Variants in LRPPRC observed in about 807,000 individuals in gnomAD.
LRPPRC encodes the protein leucine rich pentatricopeptide repeat containing.
A neutral mutation model predicts 180.3 loss-of-function variants in LRPPRC; 120 were observed. The observed-to-expected ratio is 0.67, with a 90% CI of 0.57 to 0.77. The LOEUF is 0.77. LRPPRC is among the 30% of genes least tolerant of loss of function. The pLI, the probability that LRPPRC is intolerant of heterozygous loss-of-function variation, is 0.00. For synonymous variants in LRPPRC, 723 were observed against 600.0 expected (o/e 1.21, Z -3.00); for missense variants, 2,012 against 1,657.2 (o/e 1.21, Z -3.72).
At chr2:43,943,423 T>C (rs1283839232) in intron 23 of LRPPRC, among the ~76,000 whole-genome samples, 3 of 151,882 alleles carry the variant, frequency 2.0e-5, no homozygotes, top group African/African-American at 7.3e-5. Context: ...GGCTCAAAAC[T>C]AGGAAAAACT....
intron 2 of LRPPRC, among the ~76,000 whole-genome samples, chr2:43,981,969 G>A (rs1009119657): frequency 6.6e-6 from 1 of 151,666 alleles, no homozygotes; most frequent in African/African-American, 2.4e-5. Flanking sequence ...GTGCAGTTGT[G>A]CGATCTTAGC....
At chr2:43,946,697 GA>G (rs1305117516) in intron 20 of LRPPRC, among the ~76,000 whole-genome samples, 16 of 151,980 alleles carry the variant, frequency 1.1e-4, no homozygotes. Context: ...AGTTAGTCAT[GA>G]TATTTTTTCC....
At position 43,946,182 on chromosome 2, in the gene LRPPRC, T is replaced by C. The variant is rs375559765; in HGVS notation, c.2141A>G (p.Tyr714Cys). The change falls in exon 21 of 38, where the codon TAT becomes TGT. Residue 714 changes from tyrosine to cysteine, a missense_variant. Tyr to Cys is a radical substitution (Grantham distance 194). Coordinates refer to ENST00000260665, the MANE Select transcript of LRPPRC (RefSeq NM_133259.4). ...KYESDMVTGG[Y>C]AALINLCCRH... Reference sequence around the variant, plus strand: ...ACAGCATAAATTTATTAAAGCTGCATAGCCACCAGTAACCATGTCGGATTC... The same window carrying C: ...ACAGCATAAATTTATTAAAGCTGCACAGCCACCAGTAACCATGTCGGATTC... 1.7e-5 allele frequency: 28 copies of C among 1,610,892 alleles called. No individual in the cohort carries two copies. The African/African-American group carries it at 2.1e-4, about 12-fold the overall frequency.
intron 1 of LRPPRC, 41 bp downstream of exon 1, chr2:43,995,757 CT>C: frequency 7.4e-7 from 1 of 1,348,082 alleles, no homozygotes; most frequent in Non-Finnish European, 9.5e-7. Flanking sequence ...CCGGGGGACC[CT>C]GGCGCCGCAG....
intron 3 of LRPPRC, among the ~76,000 whole-genome samples, chr2:43,978,153 C>T (rs377098703): frequency 6.6e-6 from 1 of 152,224 alleles, no homozygotes; most frequent in South Asian, 2.1e-4. Context: ...TATTATCAGC[C>T]CCATCTTACA....
At chr2:43,968,548 CA>C (rs1296882806) in intron 11 of LRPPRC, among the ~76,000 whole-genome samples, 1 of 152,130 alleles carries the variant, frequency 6.6e-6, no homozygotes, top group Non-Finnish European at 1.5e-5. Context: ...TCCAAGGTTT[CA>C]ATCAGGGTTT....
At chr2:43,969,847 CTA>C (rs1235666640) in intron 11 of LRPPRC, among the ~76,000 whole-genome samples, 1 of 152,018 alleles carries the variant, frequency 6.6e-6, no homozygotes, top group Non-Finnish European at 1.5e-5. Flanking sequence ...GCTAATTTTT[CTA>C]TTTTTTTGTA....
At chr2:43,891,826 C>T (rs768548140) in intron 36 of LRPPRC, among the ~76,000 whole-genome samples, 13 of 152,200 alleles carry the variant, frequency 8.5e-5, no homozygotes, top group African/African-American at 1.2e-4. Context: ...AGCCGAGATA[C>T]GCTGAAAGCT....
At chr2:43,964,189 A>G (rs1051130889) in intron 11 of LRPPRC, among the ~76,000 whole-genome samples, 17 of 152,360 alleles carry the variant, frequency 1.1e-4, no homozygotes, top group African/African-American at 4.1e-4. Context: ...AGAAGGAAAA[A>G]TTAATAGAGA....
At chr2:43,976,632 C>G (rs1228116782) in intron 5 of LRPPRC, among the ~76,000 whole-genome samples, 8 of 151,000 alleles carry the variant, frequency 5.3e-5, no homozygotes, top group Admixed American at 5.3e-4. Context: ...AATGGTGCAA[C>G]TGATTTTCTA....
chr2:43,989,328 T>C (rs1241652041), intron 1 of LRPPRC, among the ~76,000 whole-genome samples: 1 of 152,220 alleles, frequency 6.6e-6, no homozygotes, highest in East Asian at 1.9e-4. Flanking sequence ...TATAACAACC[T>C]TCTGGCCTGA....
chr2:43,948,605 T>A, intron 16 of LRPPRC, 87 bp from the exon 17 acceptor site: 2 of 769,330 alleles, frequency 2.6e-6, no homozygotes, highest in South Asian at 2.8e-5. Flanking sequence ...ATCATTTTGG[T>A]GTGAGATGTC....
At chr2:43,899,745 A>C in intron 32 of LRPPRC, 140 bp from the exon 33 acceptor site, 1 of 639,138 alleles carries the variant, frequency 1.6e-6, no homozygotes, top group Non-Finnish European at 2.8e-6. Flanking sequence ...TTAACCAAAT[A>C]AACACTAGGC....
At chr2:43,965,864 T>C (rs1337851976) in intron 11 of LRPPRC, among the ~76,000 whole-genome samples, 3 of 152,172 alleles carry the variant, frequency 2.0e-5, no homozygotes, top group Admixed American at 6.5e-5. Context: ...CAAAAGCGAT[T>C]AGACAGTGGT....
intron 29 of LRPPRC, among the ~76,000 whole-genome samples, chr2:43,913,283 A>T (rs1482487224): frequency 5.3e-5 from 8 of 152,204 alleles, no homozygotes; most frequent in Non-Finnish European, 1.2e-4. Flanking sequence ...TTCTGAAATA[A>T]AACTGCCTGG....
chr2:43,894,501 A>C (rs753148820), intron 36 of LRPPRC, 44 bp downstream of exon 36: 10 of 935,612 alleles, frequency 1.1e-5, no homozygotes, highest in Non-Finnish European at 1.4e-5. Context: ...TTAAATAATA[A>C]AGCCATTTAA....
chr2:43,899,142 C>A, intron 34 of LRPPRC, 77 bp downstream of exon 34: 2 of 942,180 alleles, frequency 2.1e-6, no homozygotes, highest in South Asian at 1.3e-5. Flanking sequence ...TTCCACCACA[C>A]GCCTATGTCT....
In LRPPRC at chr2:43,918,261, G is replaced by A. The variant is rs113374262; in HGVS notation, c.3034C>T (p.Pro1012Ser). The stretch of plus-strand genomic sequence containing the variant: ...ATTATGCCAAAAACAATTACCTCAG[G>A]TACGTCAAACGGAACTTCCTGGTTA... ...EGNQEVPFDV[P>S]ELWYEDEKHS... is the part of the protein sequence containing the mutation. Residue 1012 changes from proline to serine, a missense_variant, in exon 28 of 38, where the codon CCT becomes TCT. Pro to Ser is a moderately conservative substitution (Grantham distance 74). Coordinates refer to ENST00000260665, the MANE Select transcript of LRPPRC (RefSeq NM_133259.4). 4.6e-4 allele frequency: 734 copies of A among 1,613,008 alleles called. 9 individuals carry two copies. The African/African-American group carries it at 8.6e-3, about 19-fold the overall frequency.
intron 23 of LRPPRC, among the ~76,000 whole-genome samples, chr2:43,942,787 G>A (rs1486660216): frequency 6.6e-6 from 1 of 152,096 alleles, no homozygotes; most frequent in African/African-American, 2.4e-5. Flanking sequence ...CTGCGTTTCA[G>A]TCAAATTCAG....
Sources: gnomAD v4.1 joint callset for allele counts (sites outside exome capture counted in the v4.1 genomes callset) on GRCh38, gnomAD v4.1.1 for gene constraint, MANE v1.5 for transcripts, NCBI Gene and HGNC (gene_info 2026-07-23, HGNC 2026-07-21) for gene names.